Variants in MRAP2 observed in about 807,000 individuals in gnomAD.
MRAP2 encodes melanocortin-2 receptor accessory protein 2.
Under a neutral mutation model 17.4 loss-of-function variants are expected in MRAP2, and 20 were observed. The observed-to-expected ratio is 1.15, with a 90% CI of 0.81 to 1.67. MRAP2 has a LOEUF of 1.67. Among genes scored for constraint, MRAP2 ranks in the 40% most tolerant of loss-of-function variants. The pLI is 0.00. For synonymous variants in MRAP2, 96 were observed against 88.4 expected (o/e 1.09, Z -0.48); for missense variants, 238 against 240.0 (o/e 0.99, Z 0.05).
chr6:84,056,606 C>T (rs570115990), intron 2 of MRAP2, among the ~76,000 whole-genome samples: 2 of 152,280 alleles, frequency 1.3e-5, no homozygotes, highest in South Asian at 2.1e-4. Flanking sequence ...AAATCACCTT[C>T]TTTAATTTAC....
chr6:84,091,495 G>A (rs921893152), downstream of MRAP2, among the ~76,000 whole-genome samples: 10 of 152,132 alleles, frequency 6.6e-5, no homozygotes, highest in African/African-American at 2.4e-4. Flanking sequence ...GCCTCCCAAA[G>A]TGCTGGGATT....
chr6:84,036,896 T>G (rs2099486175), intron 1 of MRAP2, among the ~76,000 whole-genome samples: 1 of 152,018 alleles, frequency 6.6e-6, no homozygotes. Context: ...AAAAAAGTTC[T>G]CCAAGTCCCC....
At chr6:84,120,298 A>G in the MRAP2 span, among the ~76,000 whole-genome samples, 1 of 152,178 alleles carries the variant, frequency 6.6e-6, no homozygotes, top group East Asian at 1.9e-4. Flanking sequence ...TCAAATGCCA[A>G]TCTCTTGATC....
At chr6:84,050,747 C>T (rs2099490225) in intron 1 of MRAP2, among the ~76,000 whole-genome samples, 1 of 152,200 alleles carries the variant, frequency 6.6e-6, no homozygotes, top group Non-Finnish European at 1.5e-5. Context: ...CTGGCCTGGG[C>T]CAGATCAGAG....
rs545118950 is a variant in MRAP2 at position 84,085,164 on chromosome 6, C to T, written c.228-3927C>T. Among the ~76,000 whole-genome samples the T allele has an allele frequency of 4.6e-5, 7 of 151,786 alleles. No homozygotes were observed. In the East Asian group the frequency reaches 1.4e-3, roughly 30 times the overall value. On this transcript the variant is annotated intron_variant, in intron 3 of 3. Coordinates refer to ENST00000257776, the MANE Select transcript of MRAP2 (RefSeq NM_138409.4). ...CCACCTCCCAGGTTCACGCCATTCT[C>T]CTGCCTCAGCCTCCCAAGTAGCTGG...
chr6:84,062,660 G>C (rs2099493464), intron 2 of MRAP2: 1 of 985,312 alleles, frequency 1.0e-6, no homozygotes, highest in Non-Finnish European at 1.2e-6. Flanking sequence ...GAAAGCATGA[G>C]TCAATGAGGC....
the MRAP2 span, among the ~76,000 whole-genome samples, chr6:84,134,990 CAT>C: frequency 4.6e-5 from 7 of 151,314 alleles, no homozygotes; most frequent in African/African-American, 1.5e-4. Flanking sequence ...CTTTGAAAAT[CAT>C]ATGCATGCAT....
the MRAP2 span, among the ~76,000 whole-genome samples, chr6:84,127,645 AATT>A: frequency 6.6e-6 from 1 of 152,340 alleles, no homozygotes; most frequent in Non-Finnish European, 1.5e-5. Flanking sequence ...CAGAATGGTC[AATT>A]ATTATTTCAA....
At position 84,050,731 on chromosome 6, in the gene MRAP2, A is replaced by G. The variant is rs185878346; in HGVS notation, c.-7-4581A>G. Among the ~76,000 whole-genome samples, 1,137 of 152,302 alleles carry G rather than the reference A, an allele frequency of 7.5e-3. 14 individuals are homozygous for G. The highest frequency in any genetic ancestry group is 0.02 in the Middle Eastern group (6 of 294). On this transcript the variant is annotated intron_variant, in intron 1 of 3. Coordinates refer to ENST00000257776, the MANE Select transcript of MRAP2 (RefSeq NM_138409.4). ...AGGATAAGAACAGGTAACTGAAAAG[A>G]CCTTTCTGGCCTGGGCCAGATCAGA...
At chr6:84,067,497 C>T (rs998466063) in intron 3 of MRAP2, among the ~76,000 whole-genome samples, 1 of 152,148 alleles carries the variant, frequency 6.6e-6, no homozygotes, top group African/African-American at 2.4e-5. Context: ...CATTCTACAC[C>T]AGCAGTGTAG....
intron 2 of MRAP2, chr6:84,061,626 C>T (rs887329661): frequency 9.6e-6 from 2 of 209,234 alleles, no homozygotes; most frequent in Middle Eastern, 2.2e-3. Context: ...ATTAGCTCCA[C>T]GTTGGGAAAA....
At chr6:84,040,622 G>C (rs2099487298) in intron 1 of MRAP2, among the ~76,000 whole-genome samples, 1 of 152,158 alleles carries the variant, frequency 6.6e-6, no homozygotes, top group African/African-American at 2.4e-5. Context: ...ATAGTGATAT[G>C]GACAATGAAG....
chr6:84,042,734 G>A (rs1249580021), intron 1 of MRAP2, among the ~76,000 whole-genome samples: 1 of 152,186 alleles, frequency 6.6e-6, no homozygotes, highest in Admixed American at 6.5e-5. Flanking sequence ...GTAATTGATT[G>A]TCCTGAGGTT....
At chr6:84,096,121 C>T in the MRAP2 span, among the ~76,000 whole-genome samples, 1 of 152,090 alleles carries the variant, frequency 6.6e-6, no homozygotes, top group African/African-American at 2.4e-5. Flanking sequence ...CATGTTTTGC[C>T]TCTTTATCCT....
chr6:84,132,554 T>G, the MRAP2 span, among the ~76,000 whole-genome samples: 1 of 152,200 alleles, frequency 6.6e-6, no homozygotes, highest in Non-Finnish European at 1.5e-5. Context: ...TTTTACTCTT[T>G]TTTCTCTAAA....
rs188421350 is a variant in MRAP2 at position 84,067,621 on chromosome 6, C to T, written c.227+4629C>T. ...CGCACTGTGGCTTTGATTTGCATTT[C>T]CCTGATCACTAGTGATGTTAAGCAT... On this transcript the variant is annotated intron_variant, in intron 3 of 3. Coordinates refer to ENST00000257776, the MANE Select transcript of MRAP2 (RefSeq NM_138409.4). Among the ~76,000 whole-genome samples the T allele has an allele frequency of 5.9e-3, 893 of 152,198 alleles. 5 individuals are homozygous for T. Among genetic ancestry groups the T allele is most frequent in the African/African-American group, 0.021 (861 of 41,514 alleles).
chr6:84,048,672 A>G (rs562421478), intron 1 of MRAP2, among the ~76,000 whole-genome samples: 56 of 152,354 alleles, frequency 3.7e-4, no homozygotes, highest in Middle Eastern at 3.4e-3. Flanking sequence ...GTTGACACAC[A>G]TGTAGTGGGA....
At chr6:84,143,913 T>C in the MRAP2 span, among the ~76,000 whole-genome samples, 1 of 152,032 alleles carries the variant, frequency 6.6e-6, no homozygotes, top group Non-Finnish European at 1.5e-5. Flanking sequence ...ATGGTCTCTA[T>C]CAGTTCTTTG....
rs149659744 is a variant in MRAP2 at position 84,075,841 on chromosome 6, C to T, written c.227+12849C>T. 5.9e-3 allele frequency among the ~76,000 whole-genome samples: 895 copies of T among 152,158 alleles called. 4 individuals are homozygous for T. The highest frequency in any genetic ancestry group is 0.021 in the African/African-American group (858 of 41,486). On this transcript the variant is annotated intron_variant, in intron 3 of 3. Coordinates refer to ENST00000257776, the MANE Select transcript of MRAP2 (RefSeq NM_138409.4). ...AATAGCAATTTACCTGAATATGGCA[C>T]TCATTAAAGAATGGGTACATGGAAG...
Sources: gnomAD v4.1 joint callset for allele counts (sites outside exome capture counted in the v4.1 genomes callset) on GRCh38, gnomAD v4.1.1 for gene constraint, MANE v1.5 for transcripts, NCBI Gene and HGNC (gene_info 2026-07-23, HGNC 2026-07-21) for gene names.